CDK14: variants seen among roughly 807,000 people sequenced by gnomAD.
CDK14 encodes cyclin dependent kinase 14.
CDK14 carries 34 observed loss-of-function variants against 60.7 expected under a neutral mutation model. That is an observed-to-expected ratio of 0.56 (90% CI 0.43 to 0.75). CDK14 has a LOEUF of 0.75. Ranked by LOEUF, CDK14 falls within the 30% of genes least tolerant of loss-of-function variation. CDK14 has a pLI of 0.00. For missense variants in CDK14, 482 were observed against 564.1 expected, an observed-to-expected ratio of 0.85 and a Z score of 1.47; for synonymous variants, 197 against 203.7, an observed-to-expected ratio of 0.97 and a Z score of 0.28.
At chr7:90,742,611 T>C (rs1412787470) in intron 3 of CDK14, among the ~76,000 whole-genome samples, 3 of 152,056 alleles carry the variant, frequency 2.0e-5, no homozygotes, top group African/African-American at 7.2e-5. Context: ...GTGTTCTTTG[T>C]TGCTTCTTTT....
intron 5 of CDK14, among the ~76,000 whole-genome samples, chr7:90,847,299 T>G (rs1193543161): frequency 6.6e-6 from 1 of 152,184 alleles, no homozygotes; most frequent in African/African-American, 2.4e-5. Context: ...TCAATACATA[T>G]TAGCTGAATA....
chr7:91,183,528 GCCA>G (rs1268866543), intron 14 of CDK14, among the ~76,000 whole-genome samples: 1 of 151,992 alleles, frequency 6.6e-6, no homozygotes, highest in African/African-American at 2.4e-5. Context: ...CTCATCTCAT[GCCA>G]ATATATTTCT....
At chr7:90,663,095 A>AACAC (rs111918409) in intron 2 of CDK14, among the ~76,000 whole-genome samples, 2,355 of 131,976 alleles carry the variant, frequency 0.018, 28 homozygotes, top group South Asian at 0.023. Context: ...CTAAGATGGG[A>AACAC]ACACACACAC....
intron 6 of CDK14, among the ~76,000 whole-genome samples, chr7:90,865,063 T>TA (rs1199648992): frequency 6.6e-6 from 1 of 152,188 alleles, no homozygotes; most frequent in Admixed American, 6.5e-5. Context: ...TGTGTTGCCT[T>TA]ACTTTTACAC....
intron 12 of CDK14, among the ~76,000 whole-genome samples, chr7:91,100,827 T>C (rs908572974): frequency 3.3e-5 from 5 of 152,244 alleles, no homozygotes; most frequent in Non-Finnish European, 5.9e-5. Flanking sequence ...TTTGGCAGTT[T>C]AGAATAGCCT....
chr7:91,188,236 G>T (rs985865470), intron 14 of CDK14, among the ~76,000 whole-genome samples: 1 of 151,980 alleles, frequency 6.6e-6, no homozygotes, highest in Admixed American at 6.6e-5. Context: ...GTAATTAAAT[G>T]AAGATTTTTA....
intron 3 of CDK14, among the ~76,000 whole-genome samples, chr7:90,740,318 G>T (rs1269689940): frequency 6.6e-6 from 1 of 151,790 alleles, no homozygotes; most frequent in Non-Finnish European, 1.5e-5. Context: ...GAGTGTGTGT[G>T]TGTGTTATGG....
At chr7:90,826,754 A>C (rs1355043332) in intron 5 of CDK14, among the ~76,000 whole-genome samples, 4 of 152,214 alleles carry the variant, frequency 2.6e-5, no homozygotes, top group Non-Finnish European at 5.9e-5. Flanking sequence ...GGAGAAATTG[A>C]GTGTAAAGTC....
At chr7:90,754,776 C>T (rs1562754320) in intron 4 of CDK14, among the ~76,000 whole-genome samples, 1 of 151,954 alleles carries the variant, frequency 6.6e-6, no homozygotes, top group African/African-American at 2.4e-5. Context: ...GAGCAATAAC[C>T]AAATAACTCC....
intron 5 of CDK14, among the ~76,000 whole-genome samples, chr7:90,828,395 A>G (rs892053185): frequency 3.3e-5 from 5 of 152,204 alleles, no homozygotes; most frequent in Non-Finnish European, 7.4e-5. Flanking sequence ...CCTTGAAGTA[A>G]TTATTTTTCT....
chr7:90,596,520 A>T lies in CDK14; in HGVS notation c.-108A>T. On this transcript the variant is annotated 5_prime_UTR_variant, in exon 1 of 15. Transcript: ENST00000380050. ...CGCGTCGCTTCCCGGCCCGCCGAGG[A>T]GGTGGTGGAGGAGGAGGCGCCGCTT... The T allele has an allele frequency of 1.2e-6, 1 of 832,390 alleles. No homozygotes were observed. The highest frequency in any genetic ancestry group is 2.0e-6 in the Non-Finnish European group (1 of 510,924). The allele number at this position is 832,390 out of a possible 1,614,324, so 51.6% of individuals were successfully genotyped here. A position where few individuals can be genotyped will look rare whatever the true frequency, so the allele number is the denominator to read the frequency against.
chr7:91,012,577 A>G (rs983033429), intron 10 of CDK14, among the ~76,000 whole-genome samples: 8 of 152,116 alleles, frequency 5.3e-5, no homozygotes, highest in African/African-American at 1.9e-4. Context: ...AATTGGAGCA[A>G]TCATAGATTC....
At position 90,852,051 on chromosome 7, in the gene CDK14, A is replaced by G. The variant is rs1299553466; in HGVS notation, c.545-11124A>G. Among the ~76,000 whole-genome samples the G allele has an allele frequency of 2.6e-5, 4 of 152,070 alleles. No homozygotes were observed. In the South Asian group the frequency reaches 6.2e-4, roughly 24 times the overall value. ...GTAGCTGGGACTACAGGCATGTGCC[A>G]TCATGCCCAGCTAATTTTTATTTGT... On this transcript the variant is annotated intron_variant, in intron 5 of 14. Transcript: ENST00000380050.
At chr7:91,100,478 A>T (rs569725393) in intron 12 of CDK14, among the ~76,000 whole-genome samples, 17 of 152,336 alleles carry the variant, frequency 1.1e-4, no homozygotes, top group South Asian at 6.2e-4. Context: ...TAAATAAACG[A>T]GGGCTCTTGT....
At position 90,808,993 on chromosome 7, in the gene CDK14, G is replaced by C. The variant is rs147597305; in HGVS notation, c.544+18341G>C. ...AAGCAAGTCCTTAGAGACCTACGAA[G>C]AGACTTAGACTCCCATACAATAATA... On this transcript the variant is annotated intron_variant, in intron 5 of 14. Coordinates refer to ENST00000380050, the MANE Select transcript of CDK14 (RefSeq NM_001287135.2). Among the ~76,000 whole-genome samples, 198 of 152,220 alleles carry C rather than the reference G, an allele frequency of 1.3e-3. 1 individual carries two copies. Among genetic ancestry groups the C allele is most frequent in the African/African-American group, 4.6e-3 (189 of 41,524 alleles).
At chr7:91,197,552 G>A (rs1019204348) in intron 14 of CDK14, among the ~76,000 whole-genome samples, 5 of 152,140 alleles carry the variant, frequency 3.3e-5, no homozygotes, top group Admixed American at 3.3e-4. Flanking sequence ...TATTTCAGAA[G>A]ACACTGAATC....
At chr7:91,113,418 T>G (rs1259114800) in intron 13 of CDK14, among the ~76,000 whole-genome samples, 1 of 152,234 alleles carries the variant, frequency 6.6e-6, no homozygotes, top group Non-Finnish European at 1.5e-5. Flanking sequence ...AATTACATTT[T>G]AAATATTTGG....
intron 10 of CDK14, among the ~76,000 whole-genome samples, chr7:90,993,554 G>A (rs1795594210): frequency 6.6e-6 from 1 of 151,984 alleles, no homozygotes; most frequent in Admixed American, 6.6e-5. Flanking sequence ...TTCAATAAAT[G>A]TTTTAGAGGA....
intron 14 of CDK14, among the ~76,000 whole-genome samples, chr7:91,132,073 G>C (rs1321348829): frequency 6.6e-6 from 1 of 152,050 alleles, no homozygotes; most frequent in Non-Finnish European, 1.5e-5. Context: ...TAAGAAGACA[G>C]TTCCAGCTTC....
Sources: allele counts gnomAD v4.1 joint callset (sites outside exome capture counted in the v4.1 genomes callset), GRCh38; gene constraint gnomAD v4.1.1; transcripts MANE v1.5; gene names NCBI Gene and HGNC (gene_info 2026-07-23, HGNC 2026-07-21).